Variants in GRIP1 observed in about 807,000 individuals in gnomAD.
GRIP1 encodes the protein glutamate receptor-interacting protein 1.
A neutral mutation model predicts 129.9 loss-of-function variants in GRIP1; 45 were observed. The ratio of observed to expected loss-of-function variants is 0.35; its 90% confidence interval spans 0.27 to 0.44. The LOEUF is 0.44. Ranked by LOEUF, GRIP1 falls within the 20% of genes least tolerant of loss-of-function variation. The pLI is 1.00. For missense variants in GRIP1, 1,196 were observed against 1,396.8 expected (o/e 0.86, Z 2.29); for synonymous variants, 530 against 520.8 (o/e 1.02, Z -0.24).
intron 1 of GRIP1, among the ~76,000 whole-genome samples, chr12:66,735,315 AAAT>A (rs2036560057): frequency 1.3e-5 from 2 of 152,216 alleles, no homozygotes; most frequent in Non-Finnish European, 2.9e-5. Context: ...ATGTCGAAGT[AAAT>A]AATAAGAATT....
chr12:66,406,506 G>T, intron 15 of GRIP1, 78 bp from the exon 16 acceptor site: 1 of 1,343,390 alleles, frequency 7.4e-7, no homozygotes, highest in Non-Finnish European at 1.1e-6. Flanking sequence ...TAAGCATAAT[G>T]CAGCATTATG....
intron 1 of GRIP1, among the ~76,000 whole-genome samples, chr12:67,061,678 G>T (rs2043538122): frequency 6.6e-6 from 1 of 152,072 alleles, no homozygotes; most frequent in African/African-American, 2.4e-5. Flanking sequence ...GGAGATAAAT[G>T]TACAGAATAA....
intron 5 of GRIP1, among the ~76,000 whole-genome samples, chr12:66,522,647 C>T (rs367702075): frequency 1.8e-3 from 278 of 152,318 alleles, no homozygotes; most frequent in African/African-American, 6.3e-3. Flanking sequence ...TCCAAAGGAA[C>T]GCAGCTCCTC....
intron 1 of GRIP1, among the ~76,000 whole-genome samples, chr12:66,976,842 C>G (rs1436883280): frequency 6.6e-6 from 1 of 152,164 alleles, no homozygotes; most frequent in Non-Finnish European, 1.5e-5. Context: ...TCTACTCTTC[C>G]AAACTCTTCT....
At chr12:66,703,880 T>C (rs894950587) in intron 1 of GRIP1, among the ~76,000 whole-genome samples, 5 of 152,134 alleles carry the variant, frequency 3.3e-5, no homozygotes, top group African/African-American at 1.2e-4. Context: ...GGAGTTAGTA[T>C]TGATGATTGC....
intron 1 of GRIP1, among the ~76,000 whole-genome samples, chr12:66,748,474 T>A (rs1465747402): frequency 3.3e-5 from 5 of 152,224 alleles, no homozygotes; most frequent in Admixed American, 3.3e-4. Flanking sequence ...ATGGTTCCCA[T>A]GGTACTTGTT....
intron 2 of GRIP1, among the ~76,000 whole-genome samples, chr12:66,579,858 C>T (rs1044726796): frequency 3.3e-5 from 5 of 149,970 alleles, no homozygotes; most frequent in Non-Finnish European, 5.9e-5. Context: ...GGAGAACTTC[C>T]CCAATCTAGC....
At chr12:66,979,255 C>CAAT (rs2042208348) in intron 1 of GRIP1, among the ~76,000 whole-genome samples, 1 of 43,614 alleles carries the variant, frequency 2.3e-5, no homozygotes, top group Non-Finnish European at 4.6e-5. Flanking sequence ...AAAAAAAAAA[C>CAAT]AAGCCCGTCA....
chr12:66,968,190 C>T (rs1051943593), intron 1 of GRIP1, among the ~76,000 whole-genome samples: 1 of 152,132 alleles, frequency 6.6e-6, no homozygotes, highest in Admixed American at 6.6e-5. Flanking sequence ...TTTTATCAGT[C>T]TTAATGTCCC....
intron 14 of GRIP1, 140 bp from the exon 15 acceptor site, chr12:66,420,929 T>A (rs978480953): frequency 1.6e-6 from 1 of 633,828 alleles, no homozygotes; most frequent in African/African-American, 1.8e-5. Context: ...AATTAGGAAG[T>A]ATGCACATTA....
At chr12:66,665,107 C>T (rs1008446877) in intron 1 of GRIP1, among the ~76,000 whole-genome samples, 8 of 151,100 alleles carry the variant, frequency 5.3e-5, no homozygotes, top group Middle Eastern at 6.8e-3. Flanking sequence ...GTCTCGATCT[C>T]CCTGGGTGAA....
chr12:66,811,606 C>G (rs1432801216), intron 1 of GRIP1, among the ~76,000 whole-genome samples: 1 of 150,330 alleles, frequency 6.7e-6, no homozygotes, highest in Non-Finnish European at 1.5e-5. Context: ...CTCTCTGATT[C>G]TCTCTCTCTC....
At chr12:66,466,491 A>C (rs1045928085) in intron 7 of GRIP1, among the ~76,000 whole-genome samples, 5 of 152,154 alleles carry the variant, frequency 3.3e-5, no homozygotes, top group African/African-American at 1.2e-4. Context: ...ACACAGAATT[A>C]AAACATCTGG....
intron 4 of GRIP1, among the ~76,000 whole-genome samples, chr12:66,537,313 C>T (rs2061634472): frequency 1.3e-5 from 2 of 151,990 alleles, no homozygotes; most frequent in Non-Finnish European, 2.9e-5. Flanking sequence ...GGGATTTGAA[C>T]CTGTCTATTT....
intron 1 of GRIP1, among the ~76,000 whole-genome samples, chr12:67,030,353 T>C (rs1395144200): frequency 6.6e-6 from 1 of 151,822 alleles, no homozygotes; most frequent in Non-Finnish European, 1.5e-5. Flanking sequence ...GCACAGGAGG[T>C]AAATTTTAAG....
At chr12:66,358,596 T>C (rs2054603089) in intron 23 of GRIP1, among the ~76,000 whole-genome samples, 1 of 152,054 alleles carries the variant, frequency 6.6e-6, no homozygotes, top group Non-Finnish European at 1.5e-5. Flanking sequence ...TACAGGCGCA[T>C]GCCACTCCTG....
chr12:66,692,702 A>G (rs1263838888), intron 1 of GRIP1, among the ~76,000 whole-genome samples: 4 of 152,190 alleles, frequency 2.6e-5, no homozygotes, highest in African/African-American at 7.2e-5. Flanking sequence ...ACTGAGCACC[A>G]CAGCTGAGAG....
intron 1 of GRIP1, among the ~76,000 whole-genome samples, chr12:66,836,213 C>G (rs1025094688): frequency 6.6e-6 from 1 of 151,996 alleles, no homozygotes; most frequent in Non-Finnish European, 1.5e-5. Flanking sequence ...AATAAGTAAG[C>G]CTTCCTTATG....
At chr12:66,512,106 GC>G (rs2138889006) in intron 7 of GRIP1, among the ~76,000 whole-genome samples, 1 of 152,168 alleles carries the variant, frequency 6.6e-6, no homozygotes, top group Admixed American at 6.5e-5. Context: ...GTTTCCTGAG[GC>G]CTCCCCAGCC....
Sources: allele counts gnomAD v4.1 joint callset (sites outside exome capture counted in the v4.1 genomes callset), GRCh38; gene constraint gnomAD v4.1.1; transcripts MANE v1.5; gene names NCBI Gene and HGNC (gene_info 2026-07-23, HGNC 2026-07-21).